The following ZBTB49 variants were observed in gnomAD, a reference collection of about 807,000 sequenced individuals.
ZBTB49 encodes the protein zinc finger and BTB domain containing 49.
A neutral mutation model predicts 57.5 loss-of-function variants in ZBTB49; 43 were observed. That is an observed-to-expected ratio of 0.75 (90% CI 0.59 to 0.97). ZBTB49 has a LOEUF of 0.97. Ranked by LOEUF, ZBTB49 falls within the 50% of genes least tolerant of loss-of-function variation. The probability of loss-of-function intolerance (pLI) is 0.00; values close to 1 mark genes in which losing one functional copy is unlikely to be tolerated. For missense variants in ZBTB49, 938 were observed against 947.7 expected (o/e 0.99, Z 0.13); for synonymous variants, 369 against 362.1 (o/e 1.02, Z -0.22).
intron 3 of ZBTB49, among the ~76,000 whole-genome samples, chr4:4,303,530 T>C (rs1055132633): frequency 2.0e-5 from 3 of 152,188 alleles, no homozygotes; most frequent in African/African-American, 7.2e-5. Context: ...TTCTACAAGT[T>C]CTCTTGGAAG....
At chr4:4,312,309 C>G (rs1360744861) in intron 4 of ZBTB49, among the ~76,000 whole-genome samples, 1 of 152,176 alleles carries the variant, frequency 6.6e-6, no homozygotes, top group Non-Finnish European at 1.5e-5. Flanking sequence ...TTTTAAATAT[C>G]TGAGGCATTT....
intron 4 of ZBTB49, among the ~76,000 whole-genome samples, chr4:4,311,470 G>A (rs1375918669): frequency 6.6e-6 from 1 of 152,138 alleles, no homozygotes; most frequent in Non-Finnish European, 1.5e-5. Context: ...CCGTCATATT[G>A]AATATTCAAA....
chr4:4,311,860 G>A (rs12508324), intron 4 of ZBTB49, among the ~76,000 whole-genome samples: 33,469 of 152,082 alleles, frequency 0.22, 4,568 homozygotes, highest in Admixed American at 0.31. Context: ...ATTCTTAAAT[G>A]TAATGTCTAA....
At chr4:4,300,209 G>A (rs902076456) in intron 2 of ZBTB49, 112 bp downstream of exon 2, 5 of 1,205,394 alleles carry the variant, frequency 4.1e-6, no homozygotes, top group Non-Finnish European at 5.7e-6. Context: ...ATCTTTTATA[G>A]CACATTGGAT....
intron 4 of ZBTB49, among the ~76,000 whole-genome samples, chr4:4,310,810 C>T (rs1051638233): frequency 2.0e-5 from 3 of 151,934 alleles, no homozygotes; most frequent in Non-Finnish European, 4.4e-5. Flanking sequence ...TGAGCCACTG[C>T]GCCCGGCCTA....
intron 1 of ZBTB49, 123 bp downstream of exon 1, chr4:4,290,475 C>G (rs1384840472): frequency 1.3e-5 from 2 of 152,452 alleles, no homozygotes; most frequent in Admixed American, 1.3e-4. Flanking sequence ...TCCTTCCCGT[C>G]TCTGGGCACT....
chr4:4,296,842 C>G (rs916489677), intron 1 of ZBTB49, among the ~76,000 whole-genome samples: 1 of 151,958 alleles, frequency 6.6e-6, no homozygotes, highest in Non-Finnish European at 1.5e-5. Flanking sequence ...GAGGAGCCAC[C>G]AAAGGACAGG....
chr4:4,291,881 A>G (rs1283874987), intron 1 of ZBTB49, among the ~76,000 whole-genome samples: 1 of 152,206 alleles, frequency 6.6e-6, no homozygotes, highest in Non-Finnish European at 1.5e-5. Context: ...CTGTAATCCC[A>G]GCGCTTTGGG....
intron 3 of ZBTB49, among the ~76,000 whole-genome samples, chr4:4,304,351 G>A (rs528838783): frequency 8.1e-4 from 122 of 151,184 alleles, no homozygotes; most frequent in African/African-American, 2.8e-3. Context: ...TGAGCCTCCC[G>A]AGTAGCTGGG....
intron 4 of ZBTB49, among the ~76,000 whole-genome samples, chr4:4,306,528 A>G (rs1481583213): frequency 6.6e-6 from 1 of 152,212 alleles, no homozygotes; most frequent in Non-Finnish European, 1.5e-5. Flanking sequence ...GTTAGGCTGA[A>G]GACAACTAGG....
chr4:4,298,289 C>CT (rs1720310081), intron 1 of ZBTB49, among the ~76,000 whole-genome samples: 1 of 152,062 alleles, frequency 6.6e-6, no homozygotes, highest in Non-Finnish European at 1.5e-5. Context: ...GGAGATAAGT[C>CT]TAAGTGAGAA....
At position 4,321,568 on chromosome 4, in the gene ZBTB49, C is replaced by T. The variant is rs1246200734; in HGVS notation, c.*252C>T. The T allele has an allele frequency of 5.6e-6, 3 of 535,538 alleles. No homozygotes were observed. Among genetic ancestry groups the T allele is most frequent in the African/African-American group, 1.9e-5 (1 of 52,706 alleles). 33.2% of individuals were successfully genotyped at this position (535,538 alleles called of 1,614,324 possible). On this transcript the variant is annotated 3_prime_UTR_variant, in exon 8 of 8. Coordinates refer to ENST00000337872, the MANE Select transcript of ZBTB49 (RefSeq NM_145291.4). ...CAGAAGCGAAGGCTTGATGCTGTCT[C>T]AGCAGCCTCAGCTGTGGGGGGGAAG...
chr4:4,290,713 C>G (rs1719854066), intron 1 of ZBTB49, among the ~76,000 whole-genome samples: 1 of 152,238 alleles, frequency 6.6e-6, no homozygotes, highest in African/African-American at 2.4e-5. Flanking sequence ...TACGCGCTGC[C>G]CATCTCTCGG....
At chr4:4,299,302 C>T (rs1454972920) in intron 1 of ZBTB49, among the ~76,000 whole-genome samples, 2 of 152,150 alleles carry the variant, frequency 1.3e-5, no homozygotes, top group South Asian at 4.1e-4. Flanking sequence ...CACAAAGGCA[C>T]GAGTGAGGGG....
intron 1 of ZBTB49, among the ~76,000 whole-genome samples, chr4:4,294,666 T>C (rs1577228320): frequency 1.3e-5 from 2 of 152,186 alleles, no homozygotes; most frequent in African/African-American, 4.8e-5. Context: ...CTAATTCCTA[T>C]AGTAAAAGTA....
At chr4:4,315,487 C>A in intron 5 of ZBTB49, 149 bp from the exon 6 acceptor site, 5 of 720,040 alleles carry the variant, frequency 6.9e-6, no homozygotes, top group Non-Finnish European at 2.3e-6. Context: ...GGGTTTTTTC[C>A]ATGCACGTTT....
Position 4,320,649 on chromosome 4 carries a change from T to G in ZBTB49, c.1631T>G (p.Phe544Cys). 6.2e-7 allele frequency: 1 copy of G among 1,613,890 alleles called. No homozygotes were observed. Among genetic ancestry groups the G allele is most frequent in the Non-Finnish European group, 8.5e-7 (1 of 1,179,982 alleles). Residue 544 changes from phenylalanine (F) to cysteine (C), a missense_variant, in exon 8 of 8, where the codon TTT (phenylalanine) becomes TGT (cysteine). Physicochemically the swap from Phe to Cys is radical, Grantham distance 205 (BLOSUM62 -2). Coordinates refer to ENST00000337872, the MANE Select transcript of ZBTB49 (RefSeq NM_145291.4). Reference sequence around the variant, plus strand: ...GTTTTTCTTTTTCCAGGGAAATGTTTTGGGGGATCAGGTGACCTCCGCAGG... The same window carrying G: ...GTTTTTCTTTTTCCAGGGAAATGTTGTGGGGGATCAGGTGACCTCCGCAGG... The part of the protein sequence containing the change: ...PYSCSACGKC[F>C]GGSGDLRRHV...
intron 7 of ZBTB49, among the ~76,000 whole-genome samples, chr4:4,318,107 G>A (rs944449549): frequency 3.3e-5 from 5 of 152,156 alleles, no homozygotes; most frequent in East Asian, 3.9e-4. Context: ...GGAGGTGGGC[G>A]TCATTCCCCT....
At chr4:4,312,272 C>G (rs913037704) in intron 4 of ZBTB49, among the ~76,000 whole-genome samples, 3 of 152,112 alleles carry the variant, frequency 2.0e-5, no homozygotes, top group African/African-American at 7.2e-5. Context: ...ATTTTCCAAA[C>G]CTAATTCGAA....
Sources: allele counts gnomAD v4.1 joint callset (sites outside exome capture counted in the v4.1 genomes callset), GRCh38; gene constraint gnomAD v4.1.1; transcripts MANE v1.5; gene names NCBI Gene and HGNC (gene_info 2026-07-23, HGNC 2026-07-21).